DCPH1: variants seen among roughly 807,000 people sequenced by gnomAD.
DCPH1 encodes the protein damage-control phosphatase 1.
At chr6:151,458,149 A>T in the DCPH1 span, among the ~76,000 whole-genome samples, 1 of 152,202 alleles carries the variant, frequency 6.6e-6, no homozygotes, top group Non-Finnish European at 1.5e-5. Context: ...TTATGTTCAT[A>T]TGAGATCTGT....
chr6:151,452,501 CG>C, the DCPH1 span: 9 of 1,605,014 alleles, frequency 5.6e-6, no homozygotes, highest in South Asian at 1.1e-5. Flanking sequence ...TCTGTTTCTG[CG>C]GCGATTGAAC....
chr6:151,456,657 G>C, the DCPH1 span, among the ~76,000 whole-genome samples: 457 of 152,126 alleles, frequency 3.0e-3, 2 homozygotes, highest in African/African-American at 0.011. Context: ...TGTTTTTCTT[G>C]TTGTTGTTTT....
chr6:151,467,827 G>A, the DCPH1 span, among the ~76,000 whole-genome samples: 6,766 of 152,190 alleles, frequency 0.044, 236 homozygotes, highest in East Asian at 0.16. Flanking sequence ...AAAAAGTAGC[G>A]TCTTTAGATA....
At chr6:151,465,862 A>G in the DCPH1 span, among the ~76,000 whole-genome samples, 7 of 152,200 alleles carry the variant, frequency 4.6e-5, no homozygotes, top group African/African-American at 1.7e-4. Context: ...TGAGACCCCG[A>G]GGGCAAGCAA....
At chr6:151,458,851 G>A in the DCPH1 span, among the ~76,000 whole-genome samples, 4 of 152,134 alleles carry the variant, frequency 2.6e-5, no homozygotes, top group Non-Finnish European at 5.9e-5. Flanking sequence ...TCTAAAGTAC[G>A]AATTGGCCAG....
the DCPH1 span, among the ~76,000 whole-genome samples, chr6:151,456,017 T>C: frequency 6.6e-6 from 1 of 152,226 alleles, no homozygotes; most frequent in Non-Finnish European, 1.5e-5. Context: ...TAACTCCGAG[T>C]TGACACAGCA....
At chr6:151,459,565 G>A in the DCPH1 span, among the ~76,000 whole-genome samples, 1 of 152,174 alleles carries the variant, frequency 6.6e-6, no homozygotes, top group Non-Finnish European at 1.5e-5. Context: ...GCTAAGGCAG[G>A]TGGATCACTC....
chr6:151,454,968 C>CTT, the DCPH1 span, among the ~76,000 whole-genome samples: 2 of 152,092 alleles, frequency 1.3e-5, no homozygotes, highest in African/African-American at 4.8e-5. Flanking sequence ...AATTGAGTTG[C>CTT]TTAGAAGAGC....
the DCPH1 span, chr6:151,454,633 T>C: frequency 6.4e-7 from 1 of 1,551,522 alleles, no homozygotes; most frequent in Non-Finnish European, 8.8e-7. Flanking sequence ...TAAAAGTGAA[T>C]TTTTTGAGAA....
the DCPH1 span, among the ~76,000 whole-genome samples, chr6:151,459,717 G>A: frequency 6.6e-6 from 1 of 152,216 alleles, no homozygotes; most frequent in East Asian, 1.9e-4. Context: ...CTTGAACCTG[G>A]GAGGCGGAGG....
At chr6:151,452,736 C>T in the DCPH1 span, 2 of 760,294 alleles carry the variant, frequency 2.6e-6, no homozygotes, top group Non-Finnish European at 4.1e-6. Context: ...TTGCGGGTTT[C>T]GCGGACTGGC....
chr6:151,455,729 T>TA, the DCPH1 span, among the ~76,000 whole-genome samples: 1 of 152,182 alleles, frequency 6.6e-6, no homozygotes, highest in African/African-American at 2.4e-5. Context: ...GCCTTCCTCT[T>TA]ACACTAATCC....
chr6:151,462,765 T>A, the DCPH1 span, among the ~76,000 whole-genome samples: 1 of 152,230 alleles, frequency 6.6e-6, no homozygotes, highest in Non-Finnish European at 1.5e-5. Context: ...TAGAAAACAT[T>A]CTAAAATGAG....
the DCPH1 span, among the ~76,000 whole-genome samples, chr6:151,462,169 T>C: frequency 6.6e-6 from 1 of 152,228 alleles, no homozygotes; most frequent in Non-Finnish European, 1.5e-5. Flanking sequence ...TATTGAAAGA[T>C]GAAAGTACAG....
the DCPH1 span, among the ~76,000 whole-genome samples, chr6:151,466,902 GTTA>G: frequency 6.6e-6 from 1 of 152,080 alleles, no homozygotes; most frequent in Non-Finnish European, 1.5e-5. Flanking sequence ...GGACACTTTA[GTTA>G]TTATTTAAGC....
At chr6:151,464,732 C>T in the DCPH1 span, 2 of 664,656 alleles carry the variant, frequency 3.0e-6, no homozygotes, top group South Asian at 2.8e-5. Flanking sequence ...GATTTTTTAT[C>T]TAGTGGTGTT....
the DCPH1 span, among the ~76,000 whole-genome samples, chr6:151,460,794 C>A: frequency 1.3e-5 from 2 of 149,880 alleles, no homozygotes; most frequent in African/African-American, 2.5e-5. Flanking sequence ...AAAAAAAAAA[C>A]AAAAAAACAA....
At chr6:151,459,776 C>G in the DCPH1 span, among the ~76,000 whole-genome samples, 2 of 151,840 alleles carry the variant, frequency 1.3e-5, no homozygotes, top group Non-Finnish European at 2.9e-5. Context: ...GGCGACAGAG[C>G]GAGACTGTTT....
At chr6:151,468,577 T>C in the DCPH1 span, 1 of 1,614,154 alleles carries the variant, frequency 6.2e-7, no homozygotes, top group Non-Finnish European at 8.5e-7. Context: ...AGATTTAATA[T>C]TAGCCGACTT....
Sources: gnomAD v4.1 joint callset for allele counts (sites outside exome capture counted in the v4.1 genomes callset) on GRCh38, gnomAD v4.1.1 for gene constraint, MANE v1.5 for transcripts, NCBI Gene and HGNC (gene_info 2026-07-23, HGNC 2026-07-21) for gene names.